The following RBFOX1 variants were observed in gnomAD, a reference collection of about 807,000 sequenced individuals.
RBFOX1 encodes RNA binding fox-1 homolog 1.
In RBFOX1, 8 loss-of-function variants were observed where a neutral mutation model predicts 57.7. The ratio of observed to expected loss-of-function variants is 0.14; its 90% CI spans 0.08 to 0.25. The LOEUF is 0.25. Ranked by LOEUF, RBFOX1 falls within the 10% of genes least tolerant of loss-of-function variation. The probability of loss-of-function intolerance (pLI) is 1.00; values close to 1 mark genes in which losing one functional copy is unlikely to be tolerated. For synonymous variants in RBFOX1, 326 were observed against 222.4 expected (o/e 1.47, Z -4.15); for missense variants, 611 against 548.5 (o/e 1.11, Z -1.14).
chr16:7,510,607 T>C (rs1953237250), intron 4 of RBFOX1, among the ~76,000 whole-genome samples: 1 of 152,208 alleles, frequency 6.6e-6, no homozygotes, highest in African/African-American at 2.4e-5. Flanking sequence ...TTTGCATTTT[T>C]CTTCTTTGTT....
In RBFOX1 at chr16:6,383,580, C is replaced by A. The variant is rs1408250212; in HGVS notation, c.-64+66523C>A. Among the ~76,000 whole-genome samples the A allele has an allele frequency of 3.3e-5, 5 of 152,110 alleles. No homozygotes were observed. The East Asian group carries it at 7.7e-4, about 24-fold the overall frequency. On this transcript the variant is annotated intron_variant, in intron 2 of 15. Coordinates refer to ENST00000550418, the MANE Select transcript of RBFOX1 (RefSeq NM_018723.4). The stretch of plus-strand genomic sequence containing the variant: ...ACAAGGTCAGGAGTTCGAGACTGGC[C>A]TGGCCAACATGGTGAAACCCCGTGT...
intron 3 of RBFOX1, among the ~76,000 whole-genome samples, chr16:6,984,053 G>C (rs984502890): frequency 6.6e-6 from 1 of 152,120 alleles, no homozygotes; most frequent in African/African-American, 2.4e-5. Context: ...TTCAAGACCT[G>C]TCTGATCAAC....
intron 2 of RBFOX1, among the ~76,000 whole-genome samples, chr16:6,432,845 G>A (rs1459822548): frequency 6.6e-6 from 1 of 152,098 alleles, no homozygotes; most frequent in African/African-American, 2.4e-5. Flanking sequence ...GGGCGTGGTG[G>A]TGCATGCCTG....
intron 4 of RBFOX1, among the ~76,000 whole-genome samples, chr16:7,207,951 C>T (rs539187910): frequency 6.6e-6 from 1 of 152,288 alleles, no homozygotes; most frequent in South Asian, 2.1e-4. Context: ...CCTGGGGAAG[C>T]TTCTCAGTTA....
chr16:7,388,643 A>C (rs541941445), intron 4 of RBFOX1, among the ~76,000 whole-genome samples: 1 of 95,238 alleles, frequency 1.0e-5, no homozygotes. Flanking sequence ...GGTTTCACTT[A>C]CTTTTTTTTT....
At chr16:7,182,107 C>G (rs2082838049) in intron 4 of RBFOX1, among the ~76,000 whole-genome samples, 1 of 152,122 alleles carries the variant, frequency 6.6e-6, no homozygotes, top group East Asian at 1.9e-4. Context: ...GTTCTTTAGT[C>G]ATTGTCAGTG....
intron 3 of RBFOX1, among the ~76,000 whole-genome samples, chr16:6,693,677 C>T (rs1238084744): frequency 2.0e-5 from 3 of 151,442 alleles, no homozygotes; most frequent in East Asian, 3.9e-4. Flanking sequence ...CATCTGCTAC[C>T]ATCACCACCA....
intron 3 of RBFOX1, among the ~76,000 whole-genome samples, chr16:6,901,937 C>G (rs1350462035): frequency 6.6e-6 from 1 of 152,040 alleles, no homozygotes; most frequent in Non-Finnish European, 1.5e-5. Flanking sequence ...GATTTTTTTT[C>G]ATGTCAGAAA....
At chr16:7,333,184 C>A in intron 4 of RBFOX1, 1 of 1,165,196 alleles carries the variant, frequency 8.6e-7, no homozygotes, top group Non-Finnish European at 1.3e-6. Context: ...ACTTTTAATA[C>A]AGGAAAAAGC....
At chr16:6,656,877 CCTCTCCTCTCCTCTCCTCCCCTCAA>C (rs2098657656) in intron 3 of RBFOX1, among the ~76,000 whole-genome samples, 1 of 149,912 alleles carries the variant, frequency 6.7e-6, no homozygotes, top group African/African-American at 2.5e-5. Context: ...CAAGGTAACT[CCTCTCCTCTCCTCTCCTCCCCTCAA>C]CTCTCCTCTC....
Position 6,992,561 on chromosome 16 carries a change from G to T in RBFOX1, c.-15-59496G>T, listed in dbSNP as rs542098731. On this transcript the variant is annotated intron_variant, in intron 3 of 15. Transcript: ENST00000550418. The stretch of plus-strand genomic sequence containing the variant: ...TTCATCCCTTCCAAGGTCAGCTTGG[G>T]TTCCTCAGTAGTCGTGGTATTTCTC... 4.6e-5 allele frequency among the ~76,000 whole-genome samples: 7 copies of T among 152,094 alleles called. 1 individual carries two copies. In the South Asian group the frequency reaches 1.5e-3, roughly 32 times the overall value.
chr16:5,379,060 C>G (rs1366521487), intron 1 of RBFOX1, among the ~76,000 whole-genome samples: 1 of 151,458 alleles, frequency 6.6e-6, no homozygotes, highest in East Asian at 1.9e-4. Flanking sequence ...CAGTTTTTGG[C>G]ATTAAAAGTA....
intron 3 of RBFOX1, among the ~76,000 whole-genome samples, chr16:6,697,808 A>G (rs887947427): frequency 6.6e-6 from 1 of 152,196 alleles, no homozygotes; most frequent in African/African-American, 2.4e-5. Flanking sequence ...TTGGAAGTCC[A>G]TATCTCTACA....
intron 3 of RBFOX1, among the ~76,000 whole-genome samples, chr16:5,633,631 T>G (rs2048589763): frequency 6.6e-6 from 1 of 152,054 alleles, no homozygotes; most frequent in East Asian, 1.9e-4. Context: ...CCCAGCACTT[T>G]GGGAGGTCGA....
At chr16:5,371,905 G>A (rs943596280) in intron 1 of RBFOX1, among the ~76,000 whole-genome samples, 2 of 152,172 alleles carry the variant, frequency 1.3e-5, no homozygotes, top group African/African-American at 4.8e-5. Flanking sequence ...GGAGGTTTCC[G>A]ACCAGTAATC....
At chr16:7,409,151 C>G (rs1486923685) in intron 4 of RBFOX1, among the ~76,000 whole-genome samples, 3 of 152,174 alleles carry the variant, frequency 2.0e-5, no homozygotes, top group African/African-American at 7.2e-5. Flanking sequence ...TGATCAGGTT[C>G]CGGGAGCTGG....
intron 3 of RBFOX1, among the ~76,000 whole-genome samples, chr16:5,854,582 TCACA>T (rs3041543): frequency 0.023 from 3,370 of 148,652 alleles, 72 homozygotes; most frequent in African/African-American, 0.053. Flanking sequence ...AAGCACACAT[TCACA>T]CACACACACA....
At chr16:6,156,357 C>T (rs2096838451) in intron 1 of RBFOX1, among the ~76,000 whole-genome samples, 2 of 152,188 alleles carry the variant, frequency 1.3e-5, no homozygotes, top group African/African-American at 4.8e-5. Context: ...TAGCCCCACC[C>T]AGTGAATCAT....
intron 3 of RBFOX1, among the ~76,000 whole-genome samples, chr16:6,905,344 G>C (rs1410365998): frequency 6.6e-6 from 1 of 151,934 alleles, no homozygotes; most frequent in East Asian, 1.9e-4. Context: ...CCCTGAGGTT[G>C]GGAGTTCGAG....
Sources: gnomAD v4.1 joint callset for allele counts (sites outside exome capture counted in the v4.1 genomes callset) on GRCh38, gnomAD v4.1.1 for gene constraint, MANE v1.5 for transcripts, NCBI Gene and HGNC (gene_info 2026-07-23, HGNC 2026-07-21) for gene names.